PPP4R4: variants seen among roughly 807,000 people sequenced by gnomAD.
PPP4R4 encodes the protein protein phosphatase 4 regulatory subunit 4.
In PPP4R4, 70 loss-of-function variants were observed where a neutral mutation model predicts 121.8. The ratio of observed to expected loss-of-function variants is 0.57; its 90% CI spans 0.47 to 0.70. The LOEUF (loss-of-function observed/expected upper bound fraction) is 0.70. Ranked by LOEUF, PPP4R4 falls within the 30% of genes least tolerant of loss-of-function variation. The probability of loss-of-function intolerance (pLI) is 0.00; values close to 1 mark genes in which losing one functional copy is unlikely to be tolerated. For missense variants in PPP4R4, 875 were observed against 1,033.6 expected (o/e 0.85, Z 2.10); for synonymous variants, 348 against 355.7 (o/e 0.98, Z 0.24).
chr14:94,242,443 T>C (rs751430935), intron 11 of PPP4R4, 35 bp downstream of exon 11: 4 of 1,571,720 alleles, frequency 2.5e-6, no homozygotes, highest in Admixed American at 1.7e-5. Context: ...TTTACGTTTG[T>C]TGTTAATTCT....
chr14:94,247,288 A>G (rs74074159), intron 14 of PPP4R4, among the ~76,000 whole-genome samples: 15,222 of 152,296 alleles, frequency 0.1, 826 homozygotes, highest in Middle Eastern at 0.16. Context: ...GACAAGCCCA[A>G]CTGGTCAGGC....
intron 2 of PPP4R4, among the ~76,000 whole-genome samples, chr14:94,200,605 T>C (rs1890119533): frequency 6.6e-6 from 1 of 152,238 alleles, no homozygotes; most frequent in Admixed American, 6.5e-5. Context: ...TCTCTAGGTT[T>C]TCTACTTTGT....
intron 2 of PPP4R4, among the ~76,000 whole-genome samples, chr14:94,189,340 GTCCT>G (rs1362699019): frequency 6.6e-6 from 1 of 152,092 alleles, no homozygotes. Flanking sequence ...ATCTTATCCT[GTCCT>G]TATTATTAGA....
chr14:94,240,610 T>C, intron 8 of PPP4R4, 63 bp from the exon 9 acceptor site: 4 of 1,506,650 alleles, frequency 2.7e-6, no homozygotes, highest in Non-Finnish European at 3.6e-6. Context: ...TGTGTATTAG[T>C]TTCCACATGT....
chr14:94,277,137 A>G (rs1429644601), intron 24 of PPP4R4, among the ~76,000 whole-genome samples: 1 of 152,094 alleles, frequency 6.6e-6, no homozygotes, highest in African/African-American at 2.4e-5. Flanking sequence ...TGTCTCTACT[A>G]AAAAATTACA....
rs1890583943 is a variant in PPP4R4, at chr14:94,208,580, A to G, written c.294+14A>G. 1.3e-6 allele frequency: 2 copies of G among 1,583,514 alleles called. No homozygotes were observed. Among genetic ancestry groups the G allele is most frequent in the Non-Finnish European group, 1.7e-6 (2 of 1,154,716 alleles). On this transcript the variant is annotated intron_variant, in intron 3 of 24. Coordinates refer to ENST00000304338, the MANE Select transcript of PPP4R4 (RefSeq NM_058237.2). Reference sequence around the variant, plus strand: ...CCAAAAGTCAGAGTAAGTTGGTATGAAATAAGATTGGAGTTTCCCATTTTT... The same window carrying G: ...CCAAAAGTCAGAGTAAGTTGGTATGGAATAAGATTGGAGTTTCCCATTTTT...
At chr14:94,262,049 C>T (rs1381013317) in intron 19 of PPP4R4, among the ~76,000 whole-genome samples, 3 of 151,928 alleles carry the variant, frequency 2.0e-5, no homozygotes, top group African/African-American at 4.8e-5. Context: ...TAATGTTATT[C>T]TGGCCTCATA....
intron 3 of PPP4R4, among the ~76,000 whole-genome samples, chr14:94,228,340 T>G (rs1482324005): frequency 6.6e-6 from 1 of 152,192 alleles, no homozygotes; most frequent in Non-Finnish European, 1.5e-5. Context: ...GACAATTGTT[T>G]GTTAGAGTTG....
At chr14:94,275,248 A>T (rs1391307865) in intron 23 of PPP4R4, 126 bp from the exon 24 acceptor site, 1 of 1,093,338 alleles carries the variant, frequency 9.1e-7, no homozygotes, top group Non-Finnish European at 1.3e-6. Flanking sequence ...TGTTGTATGT[A>T]AATTATACCC....
intron 2 of PPP4R4, among the ~76,000 whole-genome samples, chr14:94,197,378 T>A (rs1042738640): frequency 1.3e-5 from 2 of 152,124 alleles, no homozygotes; most frequent in African/African-American, 4.8e-5. Flanking sequence ...GTAGTTATGG[T>A]GTAGATGTTA....
At chr14:94,207,008 G>A (rs1263182149) in intron 2 of PPP4R4, among the ~76,000 whole-genome samples, 2 of 151,870 alleles carry the variant, frequency 1.3e-5, no homozygotes, top group East Asian at 3.9e-4. Flanking sequence ...CTGCATCTGT[G>A]GTCAAATGGC....
rs139049116 is a variant in PPP4R4 at position 94,178,708 on chromosome 14, G to A, written c.191+2581G>A. On this transcript the variant is annotated intron_variant, in intron 2 of 24. Transcript: ENST00000304338. The stretch of plus-strand genomic sequence containing the variant: ...CAGATGAATTTGTGGTTTTGCATAC[G>A]TGCGATACTGATATACCCATCTGTG... Among the ~76,000 whole-genome samples the A allele has an allele frequency of 1.2e-4, 18 of 152,246 alleles. No individual in the cohort carries two copies. The East Asian group carries it at 3.5e-3, about 29-fold the overall frequency.
intron 3 of PPP4R4, among the ~76,000 whole-genome samples, chr14:94,230,011 A>G (rs907558196): frequency 6.6e-6 from 1 of 152,220 alleles, no homozygotes; most frequent in African/African-American, 2.4e-5. Context: ...GGAGATGACT[A>G]TGAATATAAT....
chr14:94,258,796 T>A lies in PPP4R4; in HGVS notation c.2024T>A (p.Leu675Ter), dbSNP rs1893613869. Residue 675 changes from leucine (L) to a stop codon, truncating the protein, a stop_gained, in exon 18 of 25, where the codon TTG becomes TAG. Transcript: ENST00000304338. LOFTEE classifies it high-confidence loss of function. ...LAIVKRTVLE[L>*]DRMEMSMDAF... is the part of the protein sequence containing the mutation. ...CTTTCCTTATAGACTGTATTAGAGT[T>A]GGACAGAATGGAAATGTCTATGGAT... The A allele has an allele frequency of 6.3e-7, 1 of 1,581,914 alleles. No individual in the cohort carries two copies. Among genetic ancestry groups the A allele is most frequent in the African/African-American group, 1.3e-5 (1 of 74,148 alleles).
In PPP4R4 at chr14:94,230,704, A is replaced by G. The variant is rs1475120342; in HGVS notation, c.412A>G (p.Ile138Val). 6.2e-7 allele frequency: 1 copy of G among 1,613,556 alleles called. No homozygotes were observed. Among genetic ancestry groups the G allele is most frequent in the South Asian group, 1.1e-5 (1 of 91,022 alleles). Residue 138 changes from isoleucine (I) to valine (V), a missense_variant, in exon 4 of 25, where the codon ATT becomes GTT. By Grantham distance (29) the Ile-to-Val change is conservative. Transcript: ENST00000304338. The part of the protein sequence containing the change: ...HAYTHSFLQV[I>V]LLHLEHRDTG... ...ATATACCCACTCATTCCTCCAAGTC[A>G]TTCTCCTGCATCTGGAGCACAGGGA...
At chr14:94,247,273 C>T (rs1892944249) in intron 14 of PPP4R4, among the ~76,000 whole-genome samples, 1 of 152,198 alleles carries the variant, frequency 6.6e-6, no homozygotes, top group Non-Finnish European at 1.5e-5. Flanking sequence ...GCACAGAAGG[C>T]TTGGGACAAG....
At chr14:94,192,156 T>C (rs1021772161) in intron 2 of PPP4R4, among the ~76,000 whole-genome samples, 5 of 152,188 alleles carry the variant, frequency 3.3e-5, no homozygotes, top group Non-Finnish European at 7.4e-5. Flanking sequence ...TGTTTCTCTA[T>C]GGTCTTAAGC....
Position 94,251,891 on chromosome 14 carries a change from T to C in PPP4R4, c.1860T>C (p.Asn620=). 1.9e-6 allele frequency: 3 copies of C among 1,578,592 alleles called. No homozygotes were observed. In the South Asian group the frequency reaches 3.5e-5, roughly 18 times the overall value. The part of the protein sequence containing the change: ...AIELTHDPVA[N]VRMKLCYLLP... ...AACTGACACATGATCCAGTAGCAAATGTGAGGTATGTTATCAATGAAGGAA... is the reference window on the plus strand; with the variant it reads ...AACTGACACATGATCCAGTAGCAAACGTGAGGTATGTTATCAATGAAGGAA... The change falls in exon 16 of 25, where the codon AAT becomes AAC. Residue 620 remains asparagine, a synonymous_variant. Transcript: ENST00000304338.
chr14:94,276,912 A>G (rs1894673531), intron 24 of PPP4R4, among the ~76,000 whole-genome samples: 1 of 152,236 alleles, frequency 6.6e-6, no homozygotes, highest in Admixed American at 6.5e-5. Flanking sequence ...ATTACAGGTT[A>G]ATGTCAATGC....
Sources: allele counts gnomAD v4.1 joint callset (sites outside exome capture counted in the v4.1 genomes callset), GRCh38; gene constraint gnomAD v4.1.1; transcripts MANE v1.5; gene names NCBI Gene and HGNC (gene_info 2026-07-23, HGNC 2026-07-21).